PACRG: variants seen among roughly 807,000 people sequenced by gnomAD.
PACRG encodes parkin coregulated gene protein.
PACRG carries 29 observed loss-of-function variants against 29.7 expected under a neutral mutation model. The ratio of observed to expected loss-of-function variants is 0.98; its 90% CI spans 0.73 to 1.33. The LOEUF is 1.33. Ranked by LOEUF, PACRG falls within the 40% of genes most tolerant of loss-of-function variation. The probability of loss-of-function intolerance (pLI) is 0.00; values close to 1 mark genes in which losing one functional copy is unlikely to be tolerated. For synonymous variants in PACRG, 116 were observed against 118.7 expected (o/e 0.98, Z 0.15); for missense variants, 279 against 316.2 (o/e 0.88, Z 0.89).
At chr6:163,249,369 C>T (rs1585370310) in intron 4 of PACRG, among the ~76,000 whole-genome samples, 1 of 152,154 alleles carries the variant, frequency 6.6e-6, no homozygotes, top group Non-Finnish European at 1.5e-5. Context: ...GCCCATTATC[C>T]AGCCTTTCAA....
At chr6:163,218,345 A>G (rs984841708) in intron 4 of PACRG, among the ~76,000 whole-genome samples, 3 of 152,302 alleles carry the variant, frequency 2.0e-5, no homozygotes, top group South Asian at 2.1e-4. Flanking sequence ...GTTAATTTCT[A>G]TAATTATTCC....
chr6:162,819,975 C>G (rs1443626033), intron 2 of PACRG, among the ~76,000 whole-genome samples: 1 of 152,110 alleles, frequency 6.6e-6, no homozygotes, highest in Non-Finnish European at 1.5e-5. Flanking sequence ...GAATCCATAG[C>G]ACTTTAGGTT....
intron 2 of PACRG, among the ~76,000 whole-genome samples, chr6:162,889,852 A>G (rs1794629358): frequency 6.6e-6 from 1 of 152,268 alleles, no homozygotes; most frequent in African/African-American, 2.4e-5. Context: ...TTTGAGGTAC[A>G]GCATAAAGCA....
intron 2 of PACRG, among the ~76,000 whole-genome samples, chr6:162,988,872 A>G (rs562353963): frequency 6.6e-6 from 1 of 152,314 alleles, no homozygotes; most frequent in Non-Finnish European, 1.5e-5. Flanking sequence ...AACTATGAGT[A>G]TGGTTTGATT....
chr6:163,024,512 G>A (rs1412130586), intron 2 of PACRG, among the ~76,000 whole-genome samples: 2 of 152,126 alleles, frequency 1.3e-5, no homozygotes, highest in Admixed American at 6.5e-5. Flanking sequence ...GCAATATGGT[G>A]CCTCCACCTA....
At chr6:163,311,738 G>T (rs897414834) in intron 4 of PACRG, among the ~76,000 whole-genome samples, 1 of 151,874 alleles carries the variant, frequency 6.6e-6, no homozygotes, top group South Asian at 2.1e-4. Flanking sequence ...ATTGTGTTTT[G>T]TTCTTTTATC....
At chr6:163,090,899 A>G (rs762387967) in intron 4 of PACRG, among the ~76,000 whole-genome samples, 11 of 152,186 alleles carry the variant, frequency 7.2e-5, no homozygotes, top group Non-Finnish European at 1.3e-4. Context: ...TTTCCTCAGT[A>G]ATCCTCATGC....
At chr6:163,037,910 A>G (rs1418033719) in intron 2 of PACRG, among the ~76,000 whole-genome samples, 1 of 152,238 alleles carries the variant, frequency 6.6e-6, no homozygotes, top group Non-Finnish European at 1.5e-5. Context: ...GATTTACTGA[A>G]TAGGTAAATA....
chr6:162,807,841 A>G (rs2128350294), intron 1 of PACRG, among the ~76,000 whole-genome samples: 1 of 152,350 alleles, frequency 6.6e-6, no homozygotes, highest in South Asian at 2.1e-4. Context: ...ATATCTGTGA[A>G]GCACAATAAA....
intron 2 of PACRG, among the ~76,000 whole-genome samples, chr6:162,852,537 T>C (rs1791010987): frequency 2.6e-5 from 4 of 152,218 alleles, no homozygotes. Context: ...AACATAGATG[T>C]ATTACAAATT....
intron 4 of PACRG, among the ~76,000 whole-genome samples, chr6:163,135,258 G>T (rs1027768685): frequency 1.3e-5 from 2 of 150,926 alleles, no homozygotes. Context: ...GCACAATCTC[G>T]GCTCACTGCA....
At chr6:162,789,429 C>T (rs1204244900) in intron 1 of PACRG, among the ~76,000 whole-genome samples, 1 of 152,018 alleles carries the variant, frequency 6.6e-6, no homozygotes, top group African/African-American at 2.4e-5. Context: ...TTTGAACATG[C>T]TTACTTTTAT....
At chr6:163,313,094 G>A (rs954654075) in intron 4 of PACRG, among the ~76,000 whole-genome samples, 15 of 144,798 alleles carry the variant, frequency 1.0e-4, no homozygotes, top group Admixed American at 7.7e-4. Flanking sequence ...TCTCTCATTC[G>A]TGTGTGTATA....
chr6:163,190,345 C>T (rs1780149650), intron 4 of PACRG: 1 of 152,196 alleles, frequency 6.6e-6, no homozygotes, highest in Admixed American at 6.5e-5. Flanking sequence ...AAAGCCCAGT[C>T]AGTGACAGTC....
At chr6:163,239,798 A>AACTGACGC (rs1782399078) in intron 4 of PACRG, among the ~76,000 whole-genome samples, 2 of 138,450 alleles carry the variant, frequency 1.4e-5, no homozygotes, top group Non-Finnish European at 1.6e-5. Context: ...ACACTCACAC[A>AACTGACGC]TTCACACTCC....
chr6:163,292,475 C>G (rs1457989651), intron 4 of PACRG, among the ~76,000 whole-genome samples: 3 of 152,192 alleles, frequency 2.0e-5, no homozygotes, highest in African/African-American at 4.8e-5. Context: ...GATCTCGGCT[C>G]ACTGCAACCT....
intron 2 of PACRG, among the ~76,000 whole-genome samples, chr6:162,918,287 G>T (rs2128089396): frequency 6.6e-6 from 1 of 152,268 alleles, no homozygotes; most frequent in South Asian, 2.1e-4. Context: ...CTCTGGAAGT[G>T]CATGTGACGT....
At chr6:162,818,820 C>T (rs886098608) in intron 2 of PACRG, among the ~76,000 whole-genome samples, 1 of 151,996 alleles carries the variant, frequency 6.6e-6, no homozygotes. Context: ...AATAACCAGG[C>T]GTAAGAATGT....
rs147946267 is a variant in PACRG, at chr6:163,210,383, T to C, written c.614-104444T>C. Among the ~76,000 whole-genome samples the C allele has an allele frequency of 1.1e-4, 17 of 152,258 alleles. No homozygotes were observed. In the East Asian group the frequency reaches 3.1e-3, roughly 28 times the overall value. On this transcript the variant is annotated intron_variant, in intron 4 of 4. Transcript: ENST00000366888. ...AGTATTCAATTCAACACAGTAAGTG[T>C]TGAACATGAGGACAAAGAAAATTCA...
Sources: allele counts gnomAD v4.1 joint callset (sites outside exome capture counted in the v4.1 genomes callset), GRCh38; gene constraint gnomAD v4.1.1; transcripts MANE v1.5; gene names NCBI Gene and HGNC (gene_info 2026-07-23, HGNC 2026-07-21).